RPH3A: variants seen among roughly 807,000 people sequenced by gnomAD.
The protein encoded by RPH3A is rabphilin 3A.
In RPH3A, 48 loss-of-function variants were observed where a neutral mutation model predicts 102.2. The ratio of observed to expected loss-of-function variants is 0.47; its 90% confidence interval spans 0.37 to 0.60. RPH3A has a LOEUF of 0.60. Ranked by LOEUF, RPH3A falls within the 20% of genes least tolerant of loss-of-function variation. The pLI is 0.00. For missense variants in RPH3A, 781 were observed against 910.1 expected, an observed-to-expected ratio of 0.86 and a Z score of 1.83; for synonymous variants, 310 against 324.3, an observed-to-expected ratio of 0.96 and a Z score of 0.47.
chr12:112,798,878 T>C (rs2041286558), intron 2 of RPH3A, among the ~76,000 whole-genome samples: 1 of 152,082 alleles, frequency 6.6e-6, no homozygotes, highest in South Asian at 2.1e-4. Flanking sequence ...CTGGCCTCTC[T>C]TCCTTTCCTT....
chr12:112,612,103 A>G (rs2039643347), intron 1 of RPH3A, among the ~76,000 whole-genome samples: 1 of 152,176 alleles, frequency 6.6e-6, no homozygotes, highest in South Asian at 2.1e-4. Context: ...TTGCCAACCC[A>G]CGCTCTGCTT....
chr12:112,687,646 A>G (rs1020778554), intron 1 of RPH3A, among the ~76,000 whole-genome samples: 2 of 152,152 alleles, frequency 1.3e-5, no homozygotes, highest in Non-Finnish European at 2.9e-5. Context: ...CTCCACCCAA[A>G]CCTGATGACC....
At chr12:112,823,976 G>A (rs1266427143) in intron 2 of RPH3A, among the ~76,000 whole-genome samples, 2 of 152,232 alleles carry the variant, frequency 1.3e-5, no homozygotes, top group Admixed American at 6.5e-5. Context: ...TAATGAGCTC[G>A]TGGAGCAGAA....
chr12:112,881,300 A>T (rs886479), intron 14 of RPH3A, among the ~76,000 whole-genome samples: 3 of 151,966 alleles, frequency 2.0e-5, no homozygotes, highest in Admixed American at 6.5e-5. Flanking sequence ...CTGAAGTCTT[A>T]GAAGAGAATG....
chr12:112,868,925 A>G (rs1039592572), intron 8 of RPH3A: 3 of 228,350 alleles, frequency 1.3e-5, no homozygotes, highest in Non-Finnish European at 2.5e-5. Flanking sequence ...CTGGGAGAAT[A>G]CTCGGCTTGC....
chr12:112,827,514 G>A (rs1026512963), intron 2 of RPH3A, among the ~76,000 whole-genome samples: 2 of 152,226 alleles, frequency 1.3e-5, no homozygotes, highest in Non-Finnish European at 2.9e-5. Context: ...AATAGGACAA[G>A]GGTAGATGGA....
chr12:112,701,162 G>A (rs2040391223), intron 1 of RPH3A, among the ~76,000 whole-genome samples: 3 of 152,192 alleles, frequency 2.0e-5, no homozygotes, highest in Admixed American at 6.5e-5. Flanking sequence ...TGATTCCCAA[G>A]TTTATTTCAA....
chr12:112,830,555 C>CT (rs1172565841), intron 3 of RPH3A, among the ~76,000 whole-genome samples: 1 of 152,032 alleles, frequency 6.6e-6, no homozygotes, highest in Non-Finnish European at 1.5e-5. Flanking sequence ...GTGTTTATAA[C>CT]TTTTTTTACA....
intron 1 of RPH3A, among the ~76,000 whole-genome samples, chr12:112,722,004 G>A (rs368535550): frequency 6.6e-6 from 1 of 152,200 alleles, no homozygotes; most frequent in South Asian, 2.1e-4. Context: ...AAATCTGTCT[G>A]CACCTATGGT....
At chr12:112,580,086 C>T (rs1293158656) in intron 1 of RPH3A, among the ~76,000 whole-genome samples, 2 of 152,058 alleles carry the variant, frequency 1.3e-5, no homozygotes, top group African/African-American at 4.8e-5. Context: ...AAAACAGATA[C>T]CGTGTCTATT....
At chr12:112,700,067 T>G (rs1445722118) in intron 1 of RPH3A, among the ~76,000 whole-genome samples, 1 of 151,842 alleles carries the variant, frequency 6.6e-6, no homozygotes, top group Non-Finnish European at 1.5e-5. Flanking sequence ...CTTAATGAAT[T>G]CTTTTTTTTT....
At chr12:112,865,323 A>G in intron 5 of RPH3A, 91 bp from the exon 6 acceptor site, 2 of 1,460,930 alleles carry the variant, frequency 1.4e-6, no homozygotes, top group Non-Finnish European at 9.3e-7. Flanking sequence ...GTATGACTCA[A>G]AGAAGGTGAA....
intron 1 of RPH3A, among the ~76,000 whole-genome samples, chr12:112,734,228 T>G (rs1218847376): frequency 6.6e-6 from 1 of 152,212 alleles, no homozygotes; most frequent in East Asian, 1.9e-4. Context: ...ATGCTTACCA[T>G]TGTGTTACAA....
At chr12:112,776,940 C>T (rs2040972593) in intron 1 of RPH3A, among the ~76,000 whole-genome samples, 1 of 144,952 alleles carries the variant, frequency 6.9e-6, no homozygotes, top group African/African-American at 2.5e-5. Context: ...AAAGTCTAGG[C>T]TCATAGCACT....
At chr12:112,818,307 T>TAAAAAAAA (rs745954372) in intron 2 of RPH3A, among the ~76,000 whole-genome samples, 4 of 43,824 alleles carry the variant, frequency 9.1e-5, no homozygotes, top group African/African-American at 1.6e-4. Flanking sequence ...TCAAGAAGAA[T>TAAAAAAAA]AAAAAAAAAA....
chr12:112,645,820 T>C (rs887284110), intron 1 of RPH3A, among the ~76,000 whole-genome samples: 6 of 152,282 alleles, frequency 3.9e-5, no homozygotes, highest in Admixed American at 3.9e-4. Context: ...GAGTGGCGTT[T>C]TGAATGGGGG....
In RPH3A at chr12:112,887,800, C is replaced by A. The variant is rs1482615747; in HGVS notation, c.1440C>A (p.Ile480=). 2 of 1,613,356 alleles carry A rather than the reference C, an allele frequency of 1.2e-6. No homozygotes were observed. Among genetic ancestry groups the A allele is most frequent in the African/African-American group, 2.7e-5 (2 of 75,034 alleles). The change falls in exon 17 of 22, where the codon ATC becomes ATA. Residue 480 remains isoleucine, a synonymous_variant. Coordinates refer to ENST00000389385, the MANE Select transcript of RPH3A (RefSeq NM_001143854.2). ...DEDMQRKTLR[I]SVCDEDKFGH... is the part of the protein sequence containing the mutation. ...TACCCCCTTGTGTTGGTGGCAGGAT[C>A]TCCGTCTGTGATGAGGACAAATTTG... is the stretch of plus-strand genomic sequence containing the variant.
chr12:112,764,369 G>C (rs1327297928), intron 1 of RPH3A, among the ~76,000 whole-genome samples: 1 of 152,184 alleles, frequency 6.6e-6, no homozygotes, highest in Non-Finnish European at 1.5e-5. Flanking sequence ...ACTAGCAAAG[G>C]TGGTCTTGTT....
intron 1 of RPH3A, among the ~76,000 whole-genome samples, chr12:112,754,319 A>G (rs929126430): frequency 1.3e-5 from 2 of 152,030 alleles, no homozygotes; most frequent in Non-Finnish European, 2.9e-5. Flanking sequence ...AAAACATCTA[A>G]AGCATCTGCC....
Sources: gnomAD v4.1 joint callset for allele counts (sites outside exome capture counted in the v4.1 genomes callset) on GRCh38, gnomAD v4.1.1 for gene constraint, MANE v1.5 for transcripts, NCBI Gene and HGNC (gene_info 2026-07-23, HGNC 2026-07-21) for gene names.